The following REPS2 variants were observed in gnomAD, a reference collection of about 807,000 sequenced individuals.
REPS2 encodes the protein ralBP1-associated Eps domain-containing protein 2.
A neutral mutation model predicts 53.6 loss-of-function variants in REPS2; 23 were observed. The ratio of observed to expected loss-of-function variants is 0.43; its 90% CI spans 0.31 to 0.61. The LOEUF (loss-of-function observed/expected upper bound fraction) is 0.61, where lower values mean the gene tolerates loss of function less well. Among genes scored for constraint, REPS2 ranks in the 20% least tolerant of loss-of-function variants. REPS2 has a pLI of 0.11. For synonymous variants in REPS2, 238 were observed against 218.6 expected (o/e 1.09, Z -0.78); for missense variants, 446 against 534.9 (o/e 0.83, Z 1.64).
the REPS2 span, among the ~76,000 whole-genome samples, chrX:17,167,725 G>A: frequency 2.8e-5 from 3 of 108,935 alleles, no homozygotes; most frequent in East Asian, 5.8e-4. Context: ...ACATTTCAAT[G>A]TCTTGGATCT....
chrX:17,043,398 G>T (rs1200864527), intron 5 of REPS2, among the ~76,000 whole-genome samples: 1 of 111,041 alleles, frequency 9.0e-6, no homozygotes, highest in Non-Finnish European at 1.9e-5. Context: ...TGTAGGGGTG[G>T]GAGTTCTTGG....
At chrX:17,073,807 A>G (rs1377457634) in intron 11 of REPS2, among the ~76,000 whole-genome samples, 1 of 107,088 alleles carries the variant, frequency 9.3e-6, no homozygotes, top group African/African-American at 3.4e-5. Flanking sequence ...ATATAAAAAG[A>G]CAACCCCCTT....
At chrX:17,081,945 T>C (rs987108383) in intron 13 of REPS2, among the ~76,000 whole-genome samples, 1 of 112,727 alleles carries the variant, frequency 8.9e-6, no homozygotes, top group Non-Finnish European at 1.9e-5. Context: ...ACATCTTTTA[T>C]TACTGAGATT....
intron 4 of REPS2, 32 bp downstream of exon 4, chrX:17,025,217 G>A: frequency 8.4e-7 from 1 of 1,193,968 alleles, no homozygotes; most frequent in Non-Finnish European, 1.1e-6. Flanking sequence ...AGCTGTCCCA[G>A]GCAGTGTCTT....
intron 1 of REPS2, among the ~76,000 whole-genome samples, chrX:16,949,829 C>G (rs773700121): frequency 2.7e-5 from 3 of 111,258 alleles, no homozygotes; most frequent in African/African-American, 9.8e-5. Context: ...TTACTCTCAA[C>G]GTCCCACATC....
the REPS2 span, among the ~76,000 whole-genome samples, chrX:17,196,196 T>C: frequency 4.4e-4 from 49 of 111,723 alleles, no homozygotes; most frequent in South Asian, 0.018. Flanking sequence ...ATTGCGCAGT[T>C]TTAAATTTCA....
At chrX:16,958,563 C>T (rs2060624386) in intron 1 of REPS2, among the ~76,000 whole-genome samples, 1 of 111,880 alleles carries the variant, frequency 8.9e-6, no homozygotes, top group African/African-American at 3.3e-5. Flanking sequence ...AATGTCGTTG[C>T]TGGAGCTGTG....
At chrX:16,965,521 C>G (rs1302333096) in intron 1 of REPS2, among the ~76,000 whole-genome samples, 1 of 110,219 alleles carries the variant, frequency 9.1e-6, no homozygotes, top group Non-Finnish European at 1.9e-5. Context: ...GGGCGGTTGC[C>G]AGGCAGAGGG....
At chrX:17,120,320 G>A (rs2063125637) in intron 14 of REPS2, among the ~76,000 whole-genome samples, 1 of 112,021 alleles carries the variant, frequency 8.9e-6, no homozygotes, top group South Asian at 3.7e-4. Context: ...CAGCTTGACA[G>A]AGGATTTAAG....
At chrX:17,047,799 T>C (rs2061928588) in intron 6 of REPS2, among the ~76,000 whole-genome samples, 1 of 112,961 alleles carries the variant, frequency 8.9e-6, no homozygotes, top group Admixed American at 9.4e-5. Flanking sequence ...TTCCTCGTTA[T>C]ATTAGAGCTC....
chrX:17,007,073 T>C (rs1038318278), intron 2 of REPS2, among the ~76,000 whole-genome samples: 6 of 112,331 alleles, frequency 5.3e-5, no homozygotes, highest in African/African-American at 1.6e-4. Context: ...CTTTCATATG[T>C]CCATACAGGT....
At chrX:17,100,346 A>C in intron 13 of REPS2, 1 of 493,056 alleles carries the variant, frequency 2.0e-6, no homozygotes, top group Admixed American at 3.1e-5. Context: ...GATGCTGCTC[A>C]GAGCAGTGCC....
At chrX:17,120,699 A>C (rs2063129696) in intron 14 of REPS2, among the ~76,000 whole-genome samples, 1 of 111,345 alleles carries the variant, frequency 9.0e-6, no homozygotes, top group African/African-American at 3.3e-5. Context: ...GCACATTGTT[A>C]CCCTCATCTG....
intron 1 of REPS2, among the ~76,000 whole-genome samples, chrX:16,995,316 G>A (rs1301450491): frequency 8.9e-6 from 1 of 112,055 alleles, no homozygotes; most frequent in Non-Finnish European, 1.9e-5. Context: ...TGAATGAATG[G>A]TATCTGTGTG....
At position 17,150,200 on chromosome X, in the gene REPS2, C is replaced by T. The variant is rs2063556196; in HGVS notation, c.*2719C>T. The T allele has an allele frequency of 8.9e-6, 1 of 111,780 alleles. No homozygotes were observed. The highest frequency in any genetic ancestry group is 1.9e-5 in the Non-Finnish European group (1 of 53,116). The allele number at this position is 111,780 out of a possible 1,213,427, so 9.2% of individuals were successfully genotyped here. On this transcript the variant is annotated 3_prime_UTR_variant, in exon 18 of 18. Coordinates refer to ENST00000357277, the MANE Select transcript of REPS2 (RefSeq NM_004726.3). Reference sequence around the variant, plus strand: ...AACGCCTAATAATATTTCTGTGAGCCTTTAATGTGATTTATAAGATGGCCG... The same window carrying T: ...AACGCCTAATAATATTTCTGTGAGCTTTTAATGTGATTTATAAGATGGCCG...
At chrX:17,023,174 T>A (rs994228707) in intron 3 of REPS2, among the ~76,000 whole-genome samples, 1 of 112,736 alleles carries the variant, frequency 8.9e-6, no homozygotes, top group African/African-American at 3.2e-5. Flanking sequence ...ACGCCTGTAA[T>A]CCCAGCACTT....
chrX:17,114,533 A>T (rs2063020329), intron 14 of REPS2, among the ~76,000 whole-genome samples: 1 of 111,599 alleles, frequency 9.0e-6, no homozygotes, highest in Non-Finnish European at 1.9e-5. Context: ...TTCTTTTAAA[A>T]ATTTTGTCTT....
Position 17,148,963 on chromosome X carries a change from C to G in REPS2, c.*1482C>G, listed in dbSNP as rs1213958189. 1 of 373,347 alleles carries G rather than the reference C, an allele frequency of 2.7e-6. No individual in the cohort carries two copies. The highest frequency in any genetic ancestry group is 2.6e-5 in the African/African-American group (1 of 39,116). 30.8% of individuals were successfully genotyped at this position (373,347 alleles called of 1,213,427 possible). A position where few individuals can be genotyped will look rare whatever the true frequency, so the allele number is the denominator to read the frequency against. On this transcript the variant is annotated 3_prime_UTR_variant, in exon 18 of 18. Coordinates refer to ENST00000357277, the MANE Select transcript of REPS2 (RefSeq NM_004726.3). ...GCTGAGAGCTTTTAGAACAAGCAGG[C>G]ATTTATTTAATGTTTCCTTAGTCCA...
At chrX:17,170,348 C>G in the REPS2 span, among the ~76,000 whole-genome samples, 2 of 112,462 alleles carry the variant, frequency 1.8e-5, no homozygotes, top group African/African-American at 6.5e-5. Flanking sequence ...CATTTCCTTC[C>G]AGGGTAAGAA....
Sources: gnomAD v4.1 joint callset for allele counts (sites outside exome capture counted in the v4.1 genomes callset) on GRCh38, gnomAD v4.1.1 for gene constraint, MANE v1.5 for transcripts, NCBI Gene and HGNC (gene_info 2026-07-23, HGNC 2026-07-21) for gene names.